The following ADGRF5 variants were observed in gnomAD, a reference collection of about 807,000 sequenced individuals.
The protein encoded by ADGRF5 is adhesion G protein-coupled receptor F5.
A neutral mutation model predicts 132.3 loss-of-function variants in ADGRF5; 75 were observed. The ratio of observed to expected loss-of-function variants is 0.57; its 90% CI spans 0.47 to 0.69. ADGRF5 has a LOEUF of 0.69. Among genes scored for constraint, ADGRF5 ranks in the 30% least tolerant of loss-of-function variants. The pLI, the probability that ADGRF5 is intolerant of heterozygous loss-of-function variation, is 0.00. For synonymous variants in ADGRF5, 629 were observed against 597.6 expected, an observed-to-expected ratio of 1.05 and a Z score of -0.77; for missense variants, 1,516 against 1,630.6, an observed-to-expected ratio of 0.93 and a Z score of 1.21.
At position 46,914,235 on chromosome 6, in the gene ADGRF5, C is replaced by T. The variant is rs567170050; in HGVS notation, c.-24-7449G>A. 7.9e-5 allele frequency among the ~76,000 whole-genome samples: 12 copies of T among 152,252 alleles called. No homozygotes were observed. In the South Asian group the frequency reaches 2.5e-3, roughly 32 times the overall value. On this transcript the variant is annotated intron_variant, in intron 1 of 20. Coordinates refer to ENST00000283296, the MANE Select transcript of ADGRF5 (RefSeq NM_001098518.2). The stretch of plus-strand genomic sequence containing the variant: ...ATAGAATGCCATCAGCAACCTACTC[C>T]CTGAACTGTAGAAGTACAGATTAAA...
chr6:46,869,288 G>A (rs1437091780), intron 11 of ADGRF5, 196 bp from the exon 12 acceptor site: 16 of 1,425,932 alleles, frequency 1.1e-5, no homozygotes, highest in African/African-American at 1.4e-5. Context: ...GCTGTTCCTG[G>A]TGGTGCTCTG....
chr6:46,944,716 C>T (rs141507853), intron 1 of ADGRF5, among the ~76,000 whole-genome samples: 1 of 152,092 alleles, frequency 6.6e-6, no homozygotes, highest in African/African-American at 2.4e-5. Context: ...TTACAAAAAC[C>T]CAAAATAGAG....
At position 46,858,369 on chromosome 6, in the gene ADGRF5, T is replaced by A; in HGVS notation, c.3534A>T (p.Pro1178=). The A allele has an allele frequency of 6.2e-7, 1 of 1,614,014 alleles. No individual in the cohort carries two copies. Among genetic ancestry groups the A allele is most frequent in the South Asian group, 1.1e-5 (1 of 91,072 alleles). The change falls in exon 17 of 21, where the codon CCA becomes CCT. Residue 1178 remains proline (P), a synonymous_variant. Coordinates refer to ENST00000283296, the MANE Select transcript of ADGRF5 (RefSeq NM_001098518.2). ...DTKALLAFAI[P]ALIIVVVNIT... is the part of the protein sequence containing the mutation. The stretch of plus-strand genomic sequence containing the variant: ...TGTTCACCACCACAATGATCAGTGC[T>A]GGGATGGCGAAAGCCAGCAGGGCCT...
intron 3 of ADGRF5, among the ~76,000 whole-genome samples, chr6:46,893,734 T>C (rs769649710): frequency 2.6e-5 from 4 of 152,168 alleles, no homozygotes; most frequent in African/African-American, 4.8e-5. Context: ...TTTATCTAGA[T>C]TTTTCTGGCT....
rs1306079865 is a variant in ADGRF5, at chr6:46,852,813, A to C, written c.*1179T>G. On this transcript the variant is annotated 3_prime_UTR_variant, in exon 21 of 21. Coordinates refer to ENST00000283296, the MANE Select transcript of ADGRF5 (RefSeq NM_001098518.2). The stretch of plus-strand genomic sequence containing the variant: ...ACAATTTAGACCATGCAAAACTCTT[A>C]ATGTATATTGGTCTGGGAACTTAAA... The C allele has an allele frequency of 6.6e-6, 1 of 152,160 alleles. No individual in the cohort carries two copies. Among genetic ancestry groups the C allele is most frequent in the African/African-American group, 2.4e-5 (1 of 41,190 alleles). The allele number at this position is 152,160 out of a possible 1,614,324, so 9.4% of individuals were successfully genotyped here.
At position 46,852,689 on chromosome 6, in the gene ADGRF5, G is replaced by T. The variant is rs1164610132; in HGVS notation, c.*1303C>A. 4 of 152,146 alleles carry T rather than the reference G, an allele frequency of 2.6e-5. No individual in the cohort carries two copies. Among genetic ancestry groups the T allele is most frequent in the African/African-American group, 7.2e-5 (3 of 41,418 alleles). The allele number at this position is 152,146 out of a possible 1,614,324, so 9.4% of individuals were successfully genotyped here. A position where few individuals can be genotyped will look rare whatever the true frequency, so the allele number is the denominator to read the frequency against. The stretch of plus-strand genomic sequence containing the variant: ...ACAAACAATCAAATCCTTGGGAAAG[G>T]CTCTGCCATTTGTTCAACAAGGTCA... On this transcript the variant is annotated 3_prime_UTR_variant, in exon 21 of 21. Coordinates refer to ENST00000283296, the MANE Select transcript of ADGRF5 (RefSeq NM_001098518.2).
chr6:46,859,801 C>T (rs1189275363), intron 16 of ADGRF5, among the ~76,000 whole-genome samples: 7 of 116,620 alleles, frequency 6.0e-5, no homozygotes, highest in Non-Finnish European at 1.3e-4. Context: ...ATTCAGCAGG[C>T]TGGCAGGGAT....
chr6:46,896,886 A>C (rs911662645), intron 3 of ADGRF5, among the ~76,000 whole-genome samples: 1 of 152,064 alleles, frequency 6.6e-6, no homozygotes, highest in African/African-American at 2.4e-5. Flanking sequence ...TACAACAACT[A>C]TTTACATAGC....
rs780571378 is a variant in ADGRF5, at chr6:46,858,225, T to C, written c.3678A>G (p.Pro1226=). Residue 1226 remains proline (P), a synonymous_variant, in exon 17 of 21, where the codon CCA becomes CCG. Transcript: ENST00000283296. The part of the protein sequence containing the change: ...QISKSIGVLT[P]LLGLTWGFGL... ...CAAAACCCCAAGTGAGGCCCAAGAGTGGTGTGAGGACCCCAATGCTCTTGC... is the reference window on the plus strand; with the variant it reads ...CAAAACCCCAAGTGAGGCCCAAGAGCGGTGTGAGGACCCCAATGCTCTTGC... The C allele has an allele frequency of 1.9e-6, 3 of 1,613,422 alleles. No individual in the cohort carries two copies. In the Admixed American group the frequency reaches 5.0e-5, roughly 27 times the overall value.
intron 10 of ADGRF5, 88 bp from the exon 11 acceptor site, chr6:46,872,101 A>G: frequency 1.1e-6 from 1 of 883,852 alleles, no homozygotes; most frequent in East Asian, 2.6e-5. Flanking sequence ...TTTTCATAAA[A>G]GGAGTTACTA....
At chr6:46,926,017 TC>T, upstream of ADGRF5, among the ~76,000 whole-genome samples, 1 of 152,220 alleles carries the variant, frequency 6.6e-6, no homozygotes, top group Admixed American at 6.5e-5. Context: ...AAGAAAATTC[TC>T]CTTTGGCACT....
intron 6 of ADGRF5, among the ~76,000 whole-genome samples, chr6:46,883,289 A>T (rs1772683652): frequency 6.6e-6 from 1 of 152,148 alleles, no homozygotes; most frequent in African/African-American, 2.4e-5. Flanking sequence ...TGGGGCTTTG[A>T]ATACGTTTTA....
At chr6:46,932,576 C>G (rs1055853190) in intron 1 of ADGRF5, among the ~76,000 whole-genome samples, 4 of 152,162 alleles carry the variant, frequency 2.6e-5, no homozygotes, top group Non-Finnish European at 4.4e-5. Context: ...ATGCCACAAC[C>G]TTAACCATAG....
At chr6:46,912,878 C>A (rs1776081243) in intron 1 of ADGRF5, among the ~76,000 whole-genome samples, 1 of 152,150 alleles carries the variant, frequency 6.6e-6, no homozygotes, top group South Asian at 2.1e-4. Context: ...TAGCTCACTG[C>A]AACCTTGGCA....
At chr6:46,912,022 T>C (rs1231829642) in intron 1 of ADGRF5, among the ~76,000 whole-genome samples, 1 of 152,162 alleles carries the variant, frequency 6.6e-6, no homozygotes, top group Non-Finnish European at 1.5e-5. Context: ...ACTGAGTCTT[T>C]ACAATTCTAA....
At chr6:46,907,827 G>A (rs1290856712) in intron 1 of ADGRF5, 1 of 152,176 alleles carries the variant, frequency 6.6e-6, no homozygotes, top group African/African-American at 2.4e-5. Flanking sequence ...TTTCCCATCT[G>A]TAAAACGGGG....
intron 10 of ADGRF5, among the ~76,000 whole-genome samples, chr6:46,874,147 T>C (rs1486922967): frequency 6.6e-6 from 1 of 152,218 alleles, no homozygotes; most frequent in Admixed American, 6.5e-5. Context: ...ACCTTACCAT[T>C]GCCTACAGAA....
At chr6:46,940,418 A>C (rs1582073097) in intron 1 of ADGRF5, among the ~76,000 whole-genome samples, 1 of 152,092 alleles carries the variant, frequency 6.6e-6, no homozygotes, top group Non-Finnish European at 1.5e-5. Flanking sequence ...CATCCTTCCA[A>C]TTCTCCTTCT....
chr6:46,859,413 T>C lies in ADGRF5; in HGVS notation c.2490A>G (p.Glu830=). The change falls in exon 17 of 21, where the codon GAA becomes GAG. Residue 830 remains glutamate, a synonymous_variant. Transcript: ENST00000283296. ...NQSSQLLHSV[E]RFSQALQSGD... Reference sequence around the variant, plus strand: ...CCGACTGTAATGCTTGGGAAAATCTTTCCACTGAATGTAGTAGCTGTGAAC... The same window carrying C: ...CCGACTGTAATGCTTGGGAAAATCTCTCCACTGAATGTAGTAGCTGTGAAC... 2.5e-6 allele frequency: 4 copies of C among 1,613,414 alleles called. No individual in the cohort carries two copies. Among genetic ancestry groups the C allele is most frequent in the Non-Finnish European group, 3.4e-6 (4 of 1,179,374 alleles).
Sources: allele counts gnomAD v4.1 joint callset (sites outside exome capture counted in the v4.1 genomes callset), GRCh38; gene constraint gnomAD v4.1.1; transcripts MANE v1.5; gene names NCBI Gene and HGNC (gene_info 2026-07-23, HGNC 2026-07-21).